Variants in MYO1D observed in about 807,000 individuals in gnomAD.
MYO1D encodes unconventional myosin-Id.
MYO1D carries 83 observed loss-of-function variants against 122.0 expected under a neutral mutation model. The observed-to-expected ratio is 0.68, with a 90% CI of 0.57 to 0.82. MYO1D has a LOEUF of 0.82. MYO1D is among the 40% of genes least tolerant of loss of function. The pLI is 0.00. For missense variants in MYO1D, 1,157 were observed against 1,269.5 expected, an observed-to-expected ratio of 0.91 and a Z score of 1.35; for synonymous variants, 464 against 446.9, an observed-to-expected ratio of 1.04 and a Z score of -0.48.
At chr17:32,862,527 T>C (rs1467343328) in intron 1 of MYO1D, among the ~76,000 whole-genome samples, 1 of 152,198 alleles carries the variant, frequency 6.6e-6, no homozygotes, top group Non-Finnish European at 1.5e-5. Context: ...TTTTTATATG[T>C]CTAGAAAAGA....
In MYO1D at chr17:32,813,782, C is replaced by T. The variant is rs2090591643; in HGVS notation, c.96-32998G>A. ...ATGGAGACCAGTTAAGAGACAGCTGCGTCCATGGGATGCTTGATAGAAACC... is the reference window on the plus strand; with the variant it reads ...ATGGAGACCAGTTAAGAGACAGCTGTGTCCATGGGATGCTTGATAGAAACC... On this transcript the variant is annotated intron_variant, in intron 1 of 21. Transcript: ENST00000318217. 2.0e-5 allele frequency among the ~76,000 whole-genome samples: 3 copies of T among 152,090 alleles called. No individual in the cohort carries two copies. The South Asian group carries it at 6.2e-4, about 32-fold the overall frequency.
chr17:32,522,869 T>C (rs1392256824), intron 21 of MYO1D, among the ~76,000 whole-genome samples: 3 of 149,738 alleles, frequency 2.0e-5, no homozygotes, highest in African/African-American at 5.0e-5. Flanking sequence ...CAGGCTGGAG[T>C]GCAGTGGTGC....
chr17:32,528,833 T>G (rs1910425541), intron 21 of MYO1D, among the ~76,000 whole-genome samples: 1 of 152,204 alleles, frequency 6.6e-6, no homozygotes, highest in Non-Finnish European at 1.5e-5. Context: ...GGATTCTCCC[T>G]GAGAGCCTCC....
chr17:32,791,440 C>A (rs897093138), intron 1 of MYO1D, among the ~76,000 whole-genome samples: 3 of 148,492 alleles, frequency 2.0e-5, no homozygotes, highest in African/African-American at 7.5e-5. Flanking sequence ...GAATTAGAAA[C>A]CAGAATTGCG....
intron 21 of MYO1D, among the ~76,000 whole-genome samples, chr17:32,549,437 G>C (rs2086992007): frequency 6.6e-6 from 1 of 152,184 alleles, no homozygotes; most frequent in African/African-American, 2.4e-5. Flanking sequence ...AAGATAAGTA[G>C]TGAGCAGGAA....
chr17:32,609,829 G>A (rs1404080038), intron 20 of MYO1D, among the ~76,000 whole-genome samples: 3 of 151,206 alleles, frequency 2.0e-5, no homozygotes, highest in East Asian at 3.9e-4. Flanking sequence ...AATGTGGATC[G>A]TGGGCTTTCT....
At chr17:32,501,663 G>A (rs570362193) in intron 21 of MYO1D, among the ~76,000 whole-genome samples, 3 of 152,346 alleles carry the variant, frequency 2.0e-5, no homozygotes, top group African/African-American at 4.8e-5. Flanking sequence ...AATCCAGCAC[G>A]TACCGGGAGG....
At chr17:32,770,908 T>G (rs1481782521) in intron 6 of MYO1D, among the ~76,000 whole-genome samples, 1 of 152,198 alleles carries the variant, frequency 6.6e-6, no homozygotes, top group Non-Finnish European at 1.5e-5. Context: ...ACTTCTTTCC[T>G]GTCAGATGGT....
intron 14 of MYO1D, among the ~76,000 whole-genome samples, chr17:32,723,248 G>A (rs760672064): frequency 3.3e-5 from 5 of 152,128 alleles, no homozygotes; most frequent in African/African-American, 4.8e-5. Context: ...TTATATATAA[G>A]GGCAGGTGTT....
intron 12 of MYO1D, among the ~76,000 whole-genome samples, chr17:32,746,623 T>C (rs75782470): frequency 6.6e-6 from 1 of 152,152 alleles, no homozygotes; most frequent in Non-Finnish European, 1.5e-5. Flanking sequence ...TACATATATG[T>C]ATATACGTAT....
At chr17:32,799,392 T>C (rs1307494647) in intron 1 of MYO1D, among the ~76,000 whole-genome samples, 1 of 152,190 alleles carries the variant, frequency 6.6e-6, no homozygotes, top group African/African-American at 2.4e-5. Context: ...CTGAGCTTCA[T>C]AAGCCATTAA....
At chr17:32,565,366 C>A (rs1003802184) in intron 21 of MYO1D, among the ~76,000 whole-genome samples, 2 of 152,336 alleles carry the variant, frequency 1.3e-5, no homozygotes, top group East Asian at 3.9e-4. Flanking sequence ...CTTGTAGCAA[C>A]GAAAGGCACC....
chr17:32,747,646 G>A (rs1598061566), intron 12 of MYO1D, among the ~76,000 whole-genome samples: 1 of 152,012 alleles, frequency 6.6e-6, no homozygotes, highest in Non-Finnish European at 1.5e-5. Context: ...AAACCAGCCT[G>A]GCCAACATGG....
intron 1 of MYO1D, among the ~76,000 whole-genome samples, chr17:32,797,770 C>T (rs968817554): frequency 2.0e-5 from 3 of 152,124 alleles, no homozygotes; most frequent in Non-Finnish European, 4.4e-5. Context: ...AGGTGGTTAA[C>T]GTCAAGCGCA....
intron 16 of MYO1D, among the ~76,000 whole-genome samples, chr17:32,675,533 T>TTAAA (rs1281801067): frequency 3.3e-5 from 5 of 152,202 alleles, no homozygotes; most frequent in African/African-American, 1.2e-4. Context: ...AGAACACATT[T>TTAAA]TAAATAAATG....
chr17:32,694,980 T>C (rs544397322), intron 16 of MYO1D, among the ~76,000 whole-genome samples: 1 of 152,276 alleles, frequency 6.6e-6, no homozygotes, highest in Non-Finnish European at 1.5e-5. Context: ...CCAATAACTA[T>C]CATAGTCTGC....
At chr17:32,628,113 C>A (rs2087951986) in intron 20 of MYO1D, among the ~76,000 whole-genome samples, 1 of 152,216 alleles carries the variant, frequency 6.6e-6, no homozygotes, top group South Asian at 2.1e-4. Flanking sequence ...CAAGCCTCAG[C>A]AACCACAAGT....
At chr17:32,800,931 G>A (rs2090455695) in intron 1 of MYO1D, among the ~76,000 whole-genome samples, 1 of 151,980 alleles carries the variant, frequency 6.6e-6, no homozygotes, top group Non-Finnish European at 1.5e-5. Context: ...TATTTCAGGT[G>A]ACAGATATGC....
At chr17:32,781,284 C>T (rs2090235192) in intron 1 of MYO1D, among the ~76,000 whole-genome samples, 1 of 152,132 alleles carries the variant, frequency 6.6e-6, no homozygotes, top group Non-Finnish European at 1.5e-5. Context: ...GTGGAGGAGA[C>T]ACTTCTGCTC....
Sources: allele counts gnomAD v4.1 joint callset (sites outside exome capture counted in the v4.1 genomes callset), GRCh38; gene constraint gnomAD v4.1.1; transcripts MANE v1.5; gene names NCBI Gene and HGNC (gene_info 2026-07-23, HGNC 2026-07-21).